Variants in CATSPERD observed in about 807,000 individuals in gnomAD.
CATSPERD encodes cation channel sperm-associated auxiliary subunit delta.
Under a neutral mutation model 98.1 loss-of-function variants are expected in CATSPERD, and 86 were observed. The ratio of observed to expected loss-of-function variants is 0.88; its 90% CI spans 0.74 to 1.05. CATSPERD has a LOEUF of 1.05. Among genes scored for constraint, CATSPERD ranks in the 50% least tolerant of loss-of-function variants. CATSPERD has a pLI of 0.00. For synonymous variants in CATSPERD, 394 were observed against 390.2 expected (o/e 1.01, Z -0.12); for missense variants, 995 against 1,005.7 (o/e 0.99, Z 0.14).
At chr19:5,748,728 C>CTTTTTTT (rs527796326) in intron 10 of CATSPERD, among the ~76,000 whole-genome samples, 40 of 94,098 alleles carry the variant, frequency 4.3e-4, no homozygotes, top group Non-Finnish European at 5.4e-4. Flanking sequence ...TCATATTATT[C>CTTTTTTT]TTTTTTTTTT....
At position 5,720,690 on chromosome 19, in the gene CATSPERD, C is replaced by T; in HGVS notation, c.-48C>T. 1 of 1,569,190 alleles carries T rather than the reference C, an allele frequency of 6.4e-7. No individual in the cohort carries two copies. The highest frequency in any genetic ancestry group is 8.7e-7 in the Non-Finnish European group (1 of 1,151,036). ...TGCACGTACTCGGATTGTGCAGCGA[C>T]TCCCCGTGGCGGTTGAGGGGCAGTG... On this transcript the variant is annotated 5_prime_UTR_variant, in exon 1 of 22. Coordinates refer to ENST00000381624, the MANE Select transcript of CATSPERD (RefSeq NM_152784.4).
At chr19:5,773,738 C>T (rs1262590611) in intron 20 of CATSPERD, among the ~76,000 whole-genome samples, 2 of 144,988 alleles carry the variant, frequency 1.4e-5, no homozygotes, top group East Asian at 4.1e-4. Flanking sequence ...GTATGTTACA[C>T]AGGCTGGCTT....
intron 13 of CATSPERD, among the ~76,000 whole-genome samples, chr19:5,757,338 C>T (rs2056342497): frequency 6.7e-6 from 1 of 149,510 alleles, no homozygotes; most frequent in African/African-American, 2.5e-5. Flanking sequence ...GCTCTTGTTA[C>T]CCAGGCGGGA....
At chr19:5,731,701 G>A (rs1014698643) in intron 4 of CATSPERD, among the ~76,000 whole-genome samples, 3 of 144,370 alleles carry the variant, frequency 2.1e-5, no homozygotes, top group South Asian at 2.3e-4. Context: ...TCAGCCTCCC[G>A]AGTAGCTGGG....
rs2055693305 is a variant in CATSPERD, at chr19:5,730,533, A to G, written c.276+589A>G. ...ACTCCAGCCTGGGCAACAGAGGGAG[A>G]CTCTGTCTTAAAAAATAATAATAAA... is the stretch of plus-strand genomic sequence containing the variant. On this transcript the variant is annotated intron_variant, in intron 4 of 21. Coordinates refer to ENST00000381624, the MANE Select transcript of CATSPERD (RefSeq NM_152784.4). 2.0e-5 allele frequency among the ~76,000 whole-genome samples: 3 copies of G among 150,936 alleles called. No homozygotes were observed. The South Asian group carries it at 6.3e-4, about 32-fold the overall frequency.
At chr19:5,774,532 T>C (rs1177429999) in intron 20 of CATSPERD, among the ~76,000 whole-genome samples, 1 of 150,114 alleles carries the variant, frequency 6.7e-6, no homozygotes, top group East Asian at 2.0e-4. Flanking sequence ...CTACTAAAAA[T>C]ACAAAAATTA....
intron 7 of CATSPERD, among the ~76,000 whole-genome samples, chr19:5,740,962 G>A (rs899842774): frequency 2.1e-5 from 3 of 145,178 alleles, no homozygotes; most frequent in Non-Finnish European, 4.6e-5. Flanking sequence ...GTGCATGCCT[G>A]TAGTCTCAGC....
intron 4 of CATSPERD, among the ~76,000 whole-genome samples, chr19:5,731,651 C>T (rs2055726223): frequency 7.3e-6 from 1 of 136,992 alleles, no homozygotes; most frequent in South Asian, 2.6e-4. Flanking sequence ...TCTCGGCTCA[C>T]TGCAAGCTCC....
rs367561263 is a variant in CATSPERD at position 5,757,803 on chromosome 19, C to T, written c.1279-40C>T. The stretch of plus-strand genomic sequence containing the variant: ...GGGGTTTGTCACCCCGTCCTGCCTG[C>T]TGGCTCCGTACAGCCTGAGCTTCTC... On this transcript the variant is annotated intron_variant, in intron 13 of 21. Coordinates refer to ENST00000381624, the MANE Select transcript of CATSPERD (RefSeq NM_152784.4). The T allele has an allele frequency of 9.1e-6, 14 of 1,537,866 alleles. No individual in the cohort carries two copies. The African/African-American group carries it at 1.5e-4, about 17-fold the overall frequency.
At chr19:5,743,797 C>T (rs3120616) in intron 7 of CATSPERD, among the ~76,000 whole-genome samples, 62,853 of 151,038 alleles carry the variant, frequency 0.42, 13,516 homozygotes, top group Non-Finnish European at 0.48. Flanking sequence ...TAGGTGGGGC[C>T]CTTGATTCCT....
At chr19:5,722,190 C>T (rs897902156) in intron 1 of CATSPERD, among the ~76,000 whole-genome samples, 1 of 151,772 alleles carries the variant, frequency 6.6e-6, no homozygotes, top group Non-Finnish European at 1.5e-5. Flanking sequence ...GTCACGGTCT[C>T]GGCTCACTGC....
Position 5,724,812 on chromosome 19 carries a change from C to G in CATSPERD, c.76C>G (p.Arg26Gly). The G allele has an allele frequency of 1.2e-6, 2 of 1,613,894 alleles. No individual in the cohort carries two copies. The highest frequency in any genetic ancestry group is 1.1e-5 in the South Asian group (1 of 91,074). ...PLVTAQLCRS[R>G]TVRTGKVFNL... ...GGTCTTTCTTGTCACTTCTAGTTCTCGCACAGTGAGGACAGGAAAAGTGTT... is the reference window on the plus strand; with the variant it reads ...GGTCTTTCTTGTCACTTCTAGTTCTGGCACAGTGAGGACAGGAAAAGTGTT... Residue 26 changes from arginine to glycine, a missense_variant, in exon 2 of 22, where the codon CGC (arginine) becomes GGC (glycine). Arg to Gly is a moderately radical substitution (Grantham distance 125). Around this residue, in one of 3 missense-constraint regions of CATSPERD, gnomAD observed 228 missense variants for 209.6 expected, o/e 1.09. Coordinates refer to ENST00000381624, the MANE Select transcript of CATSPERD (RefSeq NM_152784.4).
chr19:5,746,137 G>A, intron 9 of CATSPERD, 74 bp downstream of exon 9: 5 of 1,551,672 alleles, frequency 3.2e-6, no homozygotes, highest in Non-Finnish European at 4.4e-6. Context: ...GCCTGGATAA[G>A]GGGAGGGGAA....
intron 15 of CATSPERD, among the ~76,000 whole-genome samples, chr19:5,761,183 T>G (rs1204669816): frequency 6.6e-6 from 1 of 151,936 alleles, no homozygotes; most frequent in Non-Finnish European, 1.5e-5. Context: ...CTCACTGCAA[T>G]CTCTGCCTCC....
At chr19:5,755,883 A>T (rs1025409154) in intron 13 of CATSPERD, among the ~76,000 whole-genome samples, 1 of 152,180 alleles carries the variant, frequency 6.6e-6, no homozygotes, top group Non-Finnish European at 1.5e-5. Flanking sequence ...CAGGAGGCTG[A>T]GGCAGGAGGA....
rs555406827 is a variant in CATSPERD, at chr19:5,763,272, A to G, written c.1485A>G (p.Ser495=). The G allele has an allele frequency of 7.4e-6, 12 of 1,613,804 alleles. No individual in the cohort carries two copies. In the African/African-American group the frequency reaches 1.5e-4, roughly 20 times the overall value. ...LTVDIANKEI[S]CVDIKPLSTL... ...TGGACATAGCAAACAAGGAAATTTC[A>G]TGTGTGGATATCAAGCCACTGGTAG... is the stretch of plus-strand genomic sequence containing the variant. Residue 495 remains serine (S), a synonymous_variant, in exon 16 of 22, where the codon TCA becomes TCG. Coordinates refer to ENST00000381624, the MANE Select transcript of CATSPERD (RefSeq NM_152784.4).
At chr19:5,736,029 A>G (rs2436536) in intron 5 of CATSPERD, among the ~76,000 whole-genome samples, 55,875 of 147,334 alleles carry the variant, frequency 0.38, 10,727 homozygotes, top group Non-Finnish European at 0.44. Flanking sequence ...CGCCCGCTTC[A>G]GCCTCCCAAA....
At chr19:5,778,281 C>T in intron 21 of CATSPERD, 95 bp from the exon 22 acceptor site, 2 of 1,081,588 alleles carry the variant, frequency 1.8e-6, no homozygotes, top group South Asian at 3.0e-5. Context: ...GGGCCTGGTT[C>T]TCCCTCCTGT....
intron 7 of CATSPERD, among the ~76,000 whole-genome samples, chr19:5,743,606 G>GAAAAAAAAA (rs58070165): frequency 8.4e-4 from 117 of 140,062 alleles, no homozygotes; most frequent in African/African-American, 2.8e-3. Context: ...CTCAAAAAAA[G>GAAAAAAAAA]AAAAAAAGAA....
Sources: allele counts gnomAD v4.1 joint callset (sites outside exome capture counted in the v4.1 genomes callset), GRCh38; gene constraint gnomAD v4.1.1; regional missense constraint gnomAD v4.1.1; transcripts MANE v1.5; gene names NCBI Gene and HGNC (gene_info 2026-07-23, HGNC 2026-07-21).